The following GRID2 variants were observed in gnomAD, a reference collection of about 807,000 sequenced individuals.
GRID2 encodes glutamate ionotropic receptor delta type subunit 2, also known as glutamate receptor ionotropic, delta-2.
In GRID2, 33 loss-of-function variants were observed where a neutral mutation model predicts 114.8. That is an observed-to-expected ratio of 0.29 (90% confidence interval 0.22 to 0.38). The LOEUF (loss-of-function observed/expected upper bound fraction) is 0.38, where lower values mean the gene tolerates loss of function less well. Among genes scored for constraint, GRID2 ranks in the 10% least tolerant of loss-of-function variants. The pLI, the probability that GRID2 is intolerant of heterozygous loss-of-function variation, is 1.00. For synonymous variants in GRID2, 505 were observed against 449.9 expected (o/e 1.12, Z -1.55); for missense variants, 1,184 against 1,257.7 (o/e 0.94, Z 0.89).
rs117187800 is a variant in GRID2 at position 92,522,024 on chromosome 4, G to A, written c.89-68107G>A. On this transcript the variant is annotated intron_variant, in intron 1 of 15. Transcript: ENST00000282020. ...ATTGTACAACATTAGAAACTAACTA[G>A]TGCTTTTGGGGGAAATTGAATAAGA... 1.4e-3 allele frequency among the ~76,000 whole-genome samples: 211 copies of A among 152,000 alleles called. 8 individuals are homozygous for A. In the East Asian group the frequency reaches 0.037, roughly 26 times the overall value.
At chr4:92,745,451 C>T (rs1163713102) in intron 2 of GRID2, among the ~76,000 whole-genome samples, 3 of 152,010 alleles carry the variant, frequency 2.0e-5, no homozygotes, top group African/African-American at 4.8e-5. Flanking sequence ...ACCTATAGGT[C>T]CATGTTTATA....
chr4:92,543,203 G>C (rs1726068037), intron 1 of GRID2, among the ~76,000 whole-genome samples: 1 of 152,124 alleles, frequency 6.6e-6, no homozygotes, highest in East Asian at 1.9e-4. Context: ...ACACTACTAT[G>C]TTATTTCTGC....
At chr4:92,724,528 C>G (rs1257108861) in intron 2 of GRID2, among the ~76,000 whole-genome samples, 1 of 152,162 alleles carries the variant, frequency 6.6e-6, no homozygotes, top group Non-Finnish European at 1.5e-5. Context: ...AGATTTATAG[C>G]ATCCACCACG....
chr4:92,926,090 A>T (rs1749788744), intron 2 of GRID2, among the ~76,000 whole-genome samples: 1 of 151,422 alleles, frequency 6.6e-6, no homozygotes, highest in South Asian at 2.1e-4. Context: ...AATAGTTCTG[A>T]TTGTTATTAA....
intron 1 of GRID2, among the ~76,000 whole-genome samples, chr4:92,521,923 T>C (rs1406827967): frequency 6.6e-6 from 1 of 152,028 alleles, no homozygotes; most frequent in Non-Finnish European, 1.5e-5. Flanking sequence ...CATTTATTAT[T>C]ATGTACCCAG....
intron 2 of GRID2, among the ~76,000 whole-genome samples, chr4:92,852,037 G>A (rs377593197): frequency 6.6e-6 from 1 of 151,846 alleles, no homozygotes; most frequent in Non-Finnish European, 1.5e-5. Flanking sequence ...GAAGAAGCAG[G>A]CCTTTGGTCA....
rs181401432 is a variant in GRID2, at chr4:93,039,264, A to G, written c.245-45731A>G. Among the ~76,000 whole-genome samples the G allele has an allele frequency of 1.4e-3, 211 of 151,944 alleles. 2 individuals carry two copies. Among genetic ancestry groups the G allele is most frequent in the African/African-American group, 4.3e-3 (180 of 41,408 alleles). On this transcript the variant is annotated intron_variant, in intron 2 of 15. Transcript: ENST00000282020. The stretch of plus-strand genomic sequence containing the variant: ...GTTGTCACTCATAAGTGGGAGTTGA[A>G]CAATGAGAACACATGGACACAGGGA...
At chr4:93,634,435 G>A (rs1055809555) in intron 14 of GRID2, among the ~76,000 whole-genome samples, 1 of 152,158 alleles carries the variant, frequency 6.6e-6, no homozygotes, top group Non-Finnish European at 1.5e-5. Flanking sequence ...ACTATCAACA[G>A]CTGCTAGTTA....
At chr4:93,413,441 G>T (rs1767404312) in intron 9 of GRID2, among the ~76,000 whole-genome samples, 2 of 152,018 alleles carry the variant, frequency 1.3e-5, no homozygotes, top group Non-Finnish European at 2.9e-5. Context: ...TTTTTTATGG[G>T]GTTGAGGCTT....
intron 8 of GRID2, among the ~76,000 whole-genome samples, chr4:93,266,311 A>G (rs1014937933): frequency 5.9e-5 from 9 of 152,198 alleles, no homozygotes; most frequent in Non-Finnish European, 8.8e-5. Context: ...TAGAAGGCTA[A>G]TTAAAATGTA....
chr4:93,029,488 T>G (rs903701473), intron 2 of GRID2, among the ~76,000 whole-genome samples: 1 of 152,136 alleles, frequency 6.6e-6, no homozygotes, highest in Non-Finnish European at 1.5e-5. Context: ...TACATGTAAT[T>G]GTGATTTTGG....
chr4:92,738,397 C>T (rs1179168072), intron 2 of GRID2, among the ~76,000 whole-genome samples: 4 of 151,996 alleles, frequency 2.6e-5, no homozygotes, highest in Admixed American at 2.6e-4. Context: ...TCAGAAATCA[C>T]AAAAATTTAG....
At chr4:93,490,037 A>T (rs1013612321) in intron 11 of GRID2, among the ~76,000 whole-genome samples, 5 of 151,818 alleles carry the variant, frequency 3.3e-5, no homozygotes, top group Non-Finnish European at 7.4e-5. Context: ...CAGAGAAGAG[A>T]AGCAGTCTAA....
At chr4:92,775,053 TA>T (rs1420275354) in intron 2 of GRID2, among the ~76,000 whole-genome samples, 1 of 152,168 alleles carries the variant, frequency 6.6e-6, no homozygotes, top group African/African-American at 2.4e-5. Flanking sequence ...TGTAAGACTA[TA>T]AAGGATTCTC....
chr4:92,496,274 G>C (rs1189930186), intron 1 of GRID2, among the ~76,000 whole-genome samples: 1 of 151,644 alleles, frequency 6.6e-6, no homozygotes, highest in Non-Finnish European at 1.5e-5. Context: ...CCTTCTTTGT[G>C]GATGTCAGAA....
chr4:93,513,927 T>C (rs1729442204), intron 12 of GRID2, among the ~76,000 whole-genome samples: 1 of 152,132 alleles, frequency 6.6e-6, no homozygotes, highest in Admixed American at 6.6e-5. Context: ...AGGAAATCAT[T>C]AGCAAACTCC....
chr4:92,931,383 G>T (rs1750223369), intron 2 of GRID2, among the ~76,000 whole-genome samples: 1 of 150,880 alleles, frequency 6.6e-6, no homozygotes, highest in Non-Finnish European at 1.5e-5. Context: ...TATTGTTACA[G>T]ATGAATCACT....
At chr4:93,768,410 T>C (rs770497286) in intron 14 of GRID2, among the ~76,000 whole-genome samples, 2 of 152,220 alleles carry the variant, frequency 1.3e-5, no homozygotes, top group Admixed American at 6.5e-5. Flanking sequence ...ATAATTCCTC[T>C]ATGAAAAACA....
chr4:92,719,378 C>T lies in GRID2; in HGVS notation c.244+129092C>T, dbSNP rs187907990. Among the ~76,000 whole-genome samples the T allele has an allele frequency of 1.3e-3, 196 of 152,182 alleles. 1 individual carries two copies. The highest frequency in any genetic ancestry group is 2.3e-3 in the Non-Finnish European group (157 of 67,996). On this transcript the variant is annotated intron_variant, in intron 2 of 15. Transcript: ENST00000282020. ...TATGTTTATAGAAAGCATATTTGTC[C>T]ATTTATCTCTAATGGTTCCTTGTAC...
Sources: allele counts gnomAD v4.1 joint callset (sites outside exome capture counted in the v4.1 genomes callset), GRCh38; gene constraint gnomAD v4.1.1; transcripts MANE v1.5; gene names NCBI Gene and HGNC (gene_info 2026-07-23, HGNC 2026-07-21).